Variants in SOX5 observed in about 807,000 individuals in gnomAD.
SOX5 encodes transcription factor SOX-5.
SOX5 carries 9 observed loss-of-function variants against 92.0 expected under a neutral mutation model. That is an observed-to-expected ratio of 0.10 (90% CI 0.06 to 0.17). SOX5 has a LOEUF of 0.17. Ranked by LOEUF, SOX5 falls within the 10% of genes least tolerant of loss-of-function variation. The pLI, the probability that SOX5 is intolerant of heterozygous loss-of-function variation, is 1.00. For synonymous variants in SOX5, 344 were observed against 336.3 expected, an observed-to-expected ratio of 1.02 and a Z score of -0.25; for missense variants, 642 against 944.5, an observed-to-expected ratio of 0.68 and a Z score of 4.20.
At chr12:23,831,957 T>TATACACACACAC (rs2096330836) in intron 3 of SOX5, among the ~76,000 whole-genome samples, 1 of 142,732 alleles carries the variant, frequency 7.0e-6, no homozygotes, top group Non-Finnish European at 1.5e-5. Flanking sequence ...AAAGGGGAAC[T>TATACACACACAC]ACACACACAC....
chr12:23,657,942 C>T lies in SOX5; in HGVS notation c.931+7502G>A, dbSNP rs372117551. Among the ~76,000 whole-genome samples the T allele has an allele frequency of 1.3e-4, 20 of 152,238 alleles. No individual in the cohort carries two copies. The East Asian group carries it at 2.7e-3, about 21-fold the overall frequency. On this transcript the variant is annotated intron_variant, in intron 7 of 14. Transcript: ENST00000451604. Reference sequence around the variant, plus strand: ...TAAATGACATGGATTAAAAGAAAAGCTAGTTATGGCCTAATAAAATCTGAG... The same window carrying T: ...TAAATGACATGGATTAAAAGAAAAGTTAGTTATGGCCTAATAAAATCTGAG...
At chr12:24,070,727 A>G (rs375769471) in intron 4 of SOX5, among the ~76,000 whole-genome samples, 18 of 152,304 alleles carry the variant, frequency 1.2e-4, no homozygotes, top group African/African-American at 3.6e-4. Flanking sequence ...ATTTTTAGAC[A>G]TAATTTGTAT....
intron 1 of SOX5, among the ~76,000 whole-genome samples, chr12:24,477,904 C>T (rs1945571833): frequency 6.6e-6 from 1 of 152,048 alleles, no homozygotes; most frequent in South Asian, 2.1e-4. Context: ...AAAAAAGTTA[C>T]CTTTAATGGC....
chr12:23,706,506 T>A lies in SOX5; in HGVS notation c.810+28178A>T, dbSNP rs188242920. On this transcript the variant is annotated intron_variant, in intron 6 of 14. Coordinates refer to ENST00000451604, the MANE Select transcript of SOX5 (RefSeq NM_006940.6). Reference sequence around the variant, plus strand: ...AAAACTCCTAGCTGTAATTAAAAGTTGGAAAGTCTAGAACTATAGAGGGAC... The same window carrying A: ...AAAACTCCTAGCTGTAATTAAAAGTAGGAAAGTCTAGAACTATAGAGGGAC... Among the ~76,000 whole-genome samples the A allele has an allele frequency of 2.0e-5, 3 of 152,132 alleles. No homozygotes were observed. The East Asian group carries it at 5.8e-4, about 29-fold the overall frequency.
chr12:24,153,959 C>T (rs1951912110), intron 4 of SOX5, among the ~76,000 whole-genome samples: 1 of 152,158 alleles, frequency 6.6e-6, no homozygotes, highest in South Asian at 2.1e-4. Context: ...CCTTCAGTCT[C>T]TCTCTAGAAG....
At chr12:23,930,851 G>A (rs907324608) in intron 1 of SOX5, among the ~76,000 whole-genome samples, 4 of 151,636 alleles carry the variant, frequency 2.6e-5, no homozygotes, top group Admixed American at 1.3e-4. Flanking sequence ...TCTGGAAAAT[G>A]TATCATTCTT....
At chr12:24,262,586 G>A (rs1942305601) in intron 3 of SOX5, among the ~76,000 whole-genome samples, 1 of 152,170 alleles carries the variant, frequency 6.6e-6, no homozygotes, top group Admixed American at 6.5e-5. Flanking sequence ...CCCATCTTGA[G>A]ACAACTGGCA....
intron 1 of SOX5, among the ~76,000 whole-genome samples, chr12:24,372,410 T>A (rs142242629): frequency 9.8e-5 from 15 of 152,322 alleles, no homozygotes; most frequent in African/African-American, 3.4e-4. Context: ...TGTGTTAGTT[T>A]GCTAAGAATG....
intron 4 of SOX5, among the ~76,000 whole-genome samples, chr12:24,093,763 G>C (rs1233177224): frequency 1.3e-5 from 2 of 150,576 alleles, no homozygotes; most frequent in Non-Finnish European, 3.0e-5. Flanking sequence ...CTGATATGCT[G>C]GTCCTATAGT....
intron 4 of SOX5, among the ~76,000 whole-genome samples, chr12:24,103,101 G>T (rs1946278263): frequency 6.6e-6 from 1 of 152,112 alleles, no homozygotes; most frequent in Non-Finnish European, 1.5e-5. Flanking sequence ...ATCCATAATA[G>T]ATACACACTG....
chr12:23,538,124 C>T (rs577501685), intron 13 of SOX5, among the ~76,000 whole-genome samples: 14 of 152,234 alleles, frequency 9.2e-5, no homozygotes, highest in African/African-American at 2.9e-4. Context: ...TAGAATCTTT[C>T]GAATGAGTTC....
chr12:24,322,718 A>G (rs1950319603), intron 2 of SOX5, among the ~76,000 whole-genome samples: 1 of 152,180 alleles, frequency 6.6e-6, no homozygotes, highest in Non-Finnish European at 1.5e-5. Flanking sequence ...GCAAACAAGA[A>G]ACCTCTGTTA....
At chr12:23,867,888 CTAA>C (rs992130679) in intron 2 of SOX5, among the ~76,000 whole-genome samples, 4 of 151,244 alleles carry the variant, frequency 2.6e-5, no homozygotes, top group African/African-American at 9.7e-5. Context: ...ACCTTTATTG[CTAA>C]TAATATGAGT....
At chr12:23,844,213 C>A (rs2096550182) in intron 3 of SOX5, among the ~76,000 whole-genome samples, 1 of 152,158 alleles carries the variant, frequency 6.6e-6, no homozygotes, top group African/African-American at 2.4e-5. Flanking sequence ...TGGCTCCCTG[C>A]CGCTGCCCAG....
chr12:23,581,691 T>C (rs1308254685), intron 9 of SOX5, among the ~76,000 whole-genome samples: 4 of 152,126 alleles, frequency 2.6e-5, no homozygotes, highest in East Asian at 1.9e-4. Flanking sequence ...TTTAGGCATG[T>C]AGCTTTGAGG....
intron 2 of SOX5, among the ~76,000 whole-genome samples, chr12:24,324,893 AC>A (rs1457909177): frequency 1.3e-5 from 2 of 152,118 alleles, no homozygotes; most frequent in African/African-American, 4.8e-5. Context: ...GACCTAGAAA[AC>A]TTACTGAATC....
intron 1 of SOX5, among the ~76,000 whole-genome samples, chr12:24,391,316 C>G (rs1321265421): frequency 6.6e-6 from 1 of 152,054 alleles, no homozygotes; most frequent in African/African-American, 2.4e-5. Context: ...AATTTTATCT[C>G]ATTATGTTTT....
chr12:23,572,505 A>G (rs553617284), intron 10 of SOX5, among the ~76,000 whole-genome samples: 51 of 152,254 alleles, frequency 3.3e-4, no homozygotes, highest in Non-Finnish European at 6.5e-4. Context: ...ATGATAAATG[A>G]CGTTAAGTAT....
chr12:23,639,820 G>T (rs1172597751), intron 8 of SOX5, among the ~76,000 whole-genome samples: 1 of 152,162 alleles, frequency 6.6e-6, no homozygotes, highest in Non-Finnish European at 1.5e-5. Context: ...CAGGCCAGAT[G>T]TTATCTGTCT....
Sources: allele counts gnomAD v4.1 joint callset (sites outside exome capture counted in the v4.1 genomes callset), GRCh38; gene constraint gnomAD v4.1.1; transcripts MANE v1.5; gene names NCBI Gene and HGNC (gene_info 2026-07-23, HGNC 2026-07-21).